The following CDK15 variants were observed in gnomAD, a reference collection of about 807,000 sequenced individuals.
CDK15 encodes cyclin dependent kinase 15, also known as cyclin-dependent kinase 15.
In CDK15, 62 loss-of-function variants were observed where a neutral mutation model predicts 60.3. The ratio of observed to expected loss-of-function variants is 1.03; its 90% CI spans 0.84 to 1.27. The LOEUF (loss-of-function observed/expected upper bound fraction) is 1.27. Ranked by LOEUF, CDK15 falls within the 50% of genes most tolerant of loss-of-function variation. The pLI is 0.00. For missense variants in CDK15, 541 were observed against 527.8 expected (o/e 1.03, Z -0.25); for synonymous variants, 194 against 195.7 (o/e 0.99, Z 0.07).
chr2:201,871,793 G>A (rs1048412290), intron 10 of CDK15, among the ~76,000 whole-genome samples: 3 of 152,068 alleles, frequency 2.0e-5, no homozygotes, highest in Non-Finnish European at 4.4e-5. Context: ...GGCAGAGTTG[G>A]TTCCGTGGGA....
In CDK15 at chr2:201,822,060, A is replaced by T. The variant is rs138612118; in HGVS notation, c.449-749A>T. On this transcript the variant is annotated intron_variant, in intron 4 of 13. Coordinates refer to ENST00000652192, the MANE Select transcript of CDK15 (RefSeq NM_001366386.2). ...CTTCCTATCTCCAGAAGCTCCAAAG[A>T]CACACTTTCAAACCCCTCCCAGTCA... Among the ~76,000 whole-genome samples, 999 of 152,228 alleles carry T rather than the reference A, an allele frequency of 6.6e-3. 6 individuals carry two copies. The highest frequency in any genetic ancestry group is 0.01 in the Non-Finnish European group (683 of 67,996).
chr2:201,821,454 A>G (rs919861900), intron 4 of CDK15, among the ~76,000 whole-genome samples: 1 of 152,124 alleles, frequency 6.6e-6, no homozygotes, highest in Non-Finnish European at 1.5e-5. Flanking sequence ...AAATAGGTTG[A>G]TGCCTAAAGA....
intron 6 of CDK15, among the ~76,000 whole-genome samples, chr2:201,831,871 C>T (rs140120162): frequency 1.3e-5 from 2 of 152,200 alleles, no homozygotes; most frequent in East Asian, 3.9e-4. Flanking sequence ...GAATTTGAGT[C>T]TTGGCTCTGA....
chr2:201,807,789 A>G (rs2106145395), intron 2 of CDK15, 69 bp from the exon 3 acceptor site: 1 of 1,555,476 alleles, frequency 6.4e-7, no homozygotes, highest in East Asian at 2.2e-5. Context: ...AAAAAAAGTC[A>G]ACACTAAAAA....
chr2:201,810,435 C>A (rs1036963426), intron 3 of CDK15, among the ~76,000 whole-genome samples: 31 of 150,372 alleles, frequency 2.1e-4, no homozygotes, highest in Non-Finnish European at 4.3e-4. Flanking sequence ...GACAGAGGGA[C>A]ACAGGAGCCA....
chr2:201,888,904 T>C (rs1207442326), intron 12 of CDK15: 7 of 998,900 alleles, frequency 7.0e-6, no homozygotes, highest in African/African-American at 1.7e-5. Context: ...ATACGCACTG[T>C]TTATTTTAGC....
At chr2:201,832,610 A>G (rs1696807994) in intron 6 of CDK15, among the ~76,000 whole-genome samples, 1 of 152,230 alleles carries the variant, frequency 6.6e-6, no homozygotes, top group South Asian at 2.1e-4. Flanking sequence ...TAGGAGTCAT[A>G]AGAAATTTTT....
chr2:201,868,873 G>T (rs1205795021), intron 10 of CDK15, among the ~76,000 whole-genome samples: 1 of 152,164 alleles, frequency 6.6e-6, no homozygotes, highest in African/African-American at 2.4e-5. Context: ...AAAAAGTCAG[G>T]AAACAACAAA....
chr2:201,869,463 G>A (rs1698771218), intron 10 of CDK15, among the ~76,000 whole-genome samples: 1 of 151,860 alleles, frequency 6.6e-6, no homozygotes, highest in East Asian at 1.9e-4. Flanking sequence ...AACCAACATG[G>A]CGCATGTATA....
intron 8 of CDK15, among the ~76,000 whole-genome samples, chr2:201,838,784 T>A (rs2160192): frequency 0.21 from 31,984 of 152,038 alleles, 3,600 homozygotes; most frequent in East Asian, 0.38. Context: ...TACTGTCCTA[T>A]CAACTGTGTC....
intron 10 of CDK15, among the ~76,000 whole-genome samples, chr2:201,858,449 CCTTT>C (rs1698243299): frequency 6.7e-6 from 1 of 148,262 alleles, no homozygotes; most frequent in African/African-American, 2.5e-5. Flanking sequence ...TCCCTCCCTT[CCTTT>C]CTGTCTCCCC....
intron 3 of CDK15, among the ~76,000 whole-genome samples, chr2:201,811,764 G>A (rs1246402552): frequency 6.6e-6 from 1 of 152,118 alleles, no homozygotes; most frequent in Non-Finnish European, 1.5e-5. Context: ...GAGATATGGT[G>A]GCTTTTGAAC....
chr2:201,845,766 A>G (rs1697626113), intron 8 of CDK15, among the ~76,000 whole-genome samples: 1 of 151,890 alleles, frequency 6.6e-6, no homozygotes, highest in Non-Finnish European at 1.5e-5. Context: ...TTATCATGCC[A>G]CACAAAAATG....
At chr2:201,827,606 G>GTGTT (rs531798583) in intron 6 of CDK15, among the ~76,000 whole-genome samples, 14 of 152,118 alleles carry the variant, frequency 9.2e-5, no homozygotes, top group Admixed American at 4.6e-4. Context: ...TTCCACTTAA[G>GTGTT]TGTTTGTTTG....
At chr2:201,855,144 A>G (rs933086700) in intron 10 of CDK15, among the ~76,000 whole-genome samples, 21 of 152,228 alleles carry the variant, frequency 1.4e-4, no homozygotes, top group Non-Finnish European at 2.6e-4. Flanking sequence ...CCAGCTCTGT[A>G]AAACACAAGT....
chr2:201,808,381 C>A (rs995484561), intron 3 of CDK15, among the ~76,000 whole-genome samples: 1 of 152,126 alleles, frequency 6.6e-6, no homozygotes, highest in African/African-American at 2.4e-5. Flanking sequence ...CTCCACCTGG[C>A]CTTTATAGAA....
rs1697038487 is a variant in CDK15 at position 201,836,073 on chromosome 2, T to TTTTTATATATATTTATATATA, written c.851+312_851+313insTTATATATATTTATATATATT. Among the ~76,000 whole-genome samples, 4 of 106,684 alleles carry TTTTTATATATATTTATATATA rather than the reference T, an allele frequency of 3.7e-5. No homozygotes were observed. The East Asian group carries it at 9.5e-4, about 25-fold the overall frequency. The allele number at this position is 106,684 out of a possible 152,430, so 70.0% of individuals were successfully genotyped here. ...TATATATATATTATATATATTTATA[T>TTTTTATATATATTTATATATA]TTATATATATTTATATATTTATATA... On this transcript the variant is annotated intron_variant, in intron 8 of 13. Transcript: ENST00000652192.
intron 4 of CDK15, among the ~76,000 whole-genome samples, chr2:201,813,215 A>G (rs1013219043): frequency 6.6e-6 from 1 of 152,218 alleles, no homozygotes; most frequent in African/African-American, 2.4e-5. Flanking sequence ...TAAAGCACTT[A>G]TCACAGAGTC....
Position 201,880,142 on chromosome 2 carries a change from A to G in CDK15, c.1173A>G (p.Pro391=). The change falls in exon 12 of 14, where the codon CCA becomes CCG. Residue 391 remains proline, a synonymous_variant. Transcript: ENST00000652192. ...TTCATGATTATTTCAGCGCCCTGCC[A>G]TCTCAGCTGTACCAGCTTCCTGATG... ...ALVHDYFSAL[P]SQLYQLPDEE... is the part of the protein sequence containing the mutation. 1.2e-6 allele frequency: 2 copies of G among 1,614,006 alleles called. No homozygotes were observed. The highest frequency in any genetic ancestry group is 1.7e-6 in the Non-Finnish European group (2 of 1,179,990).
Sources: allele counts gnomAD v4.1 joint callset (sites outside exome capture counted in the v4.1 genomes callset), GRCh38; gene constraint gnomAD v4.1.1; transcripts MANE v1.5; gene names NCBI Gene and HGNC (gene_info 2026-07-23, HGNC 2026-07-21).